The following CSMD1 variants were observed in gnomAD, a reference collection of about 807,000 sequenced individuals.
CSMD1 encodes the protein CUB and Sushi multiple domains 1, also known as CUB and sushi domain-containing protein 1.
In CSMD1, 213 loss-of-function variants were observed where a neutral mutation model predicts 417.5. That is an observed-to-expected ratio of 0.51 (90% CI 0.46 to 0.57). CSMD1 has a LOEUF of 0.57. CSMD1 is among the 20% of genes least tolerant of loss of function. CSMD1 has a pLI of 0.00. For missense variants in CSMD1, 6,923 were observed against 4,529.7 expected, an observed-to-expected ratio of 1.53 and a Z score of -15.17; for synonymous variants, 2,862 against 1,736.8, an observed-to-expected ratio of 1.65 and a Z score of -16.11.
chr8:3,649,203 A>G (rs17066769), intron 7 of CSMD1, among the ~76,000 whole-genome samples: 30,426 of 152,162 alleles, frequency 0.2, 3,659 homozygotes, highest in South Asian at 0.32. Context: ...TACTGATACC[A>G]TAAGTCTTCC....
In CSMD1 at chr8:3,797,261, G is replaced by C. The variant is rs77088335; in HGVS notation, c.819-43219C>G. Reference sequence around the variant, plus strand: ...TTCAAACTCAAGTGGCTATAAAGTAGTTTTTAAAATTGAGGTAAAATATAC... The same window carrying C: ...TTCAAACTCAAGTGGCTATAAAGTACTTTTTAAAATTGAGGTAAAATATAC... On this transcript the variant is annotated intron_variant, in intron 5 of 69. Coordinates refer to ENST00000635120, the MANE Select transcript of CSMD1 (RefSeq NM_033225.6). Among the ~76,000 whole-genome samples the C allele has an allele frequency of 4.4e-3, 672 of 151,980 alleles. 13 individuals carry two copies. Among genetic ancestry groups the C allele is most frequent in the East Asian group, 0.019 (101 of 5,182 alleles).
At chr8:4,300,359 A>G (rs1287180098) in intron 3 of CSMD1, among the ~76,000 whole-genome samples, 1 of 152,216 alleles carries the variant, frequency 6.6e-6, no homozygotes, top group Non-Finnish European at 1.5e-5. Flanking sequence ...AAAATAAAAT[A>G]TATAAACTTT....
chr8:3,162,937 A>G (rs1819987480), intron 37 of CSMD1, among the ~76,000 whole-genome samples: 1 of 152,196 alleles, frequency 6.6e-6, no homozygotes, highest in African/African-American at 2.4e-5. Context: ...AACTCAGCCT[A>G]AGGTATCAGA....
chr8:4,874,196 T>C (rs1802905613), intron 1 of CSMD1, among the ~76,000 whole-genome samples: 1 of 152,240 alleles, frequency 6.6e-6, no homozygotes, highest in Middle Eastern at 3.4e-3. Context: ...AATGAACATG[T>C]GTGATTAATA....
chr8:3,016,026 A>C (rs1367348518), intron 52 of CSMD1, among the ~76,000 whole-genome samples: 1 of 152,160 alleles, frequency 6.6e-6, no homozygotes, highest in Non-Finnish European at 1.5e-5. Flanking sequence ...TTAGCATGAT[A>C]GTATTCTTGG....
In CSMD1 at chr8:4,479,652, T is replaced by C. The variant is rs1800982033; in HGVS notation, c.303-59587A>G. Among the ~76,000 whole-genome samples, 2 of 152,126 alleles carry C rather than the reference T, an allele frequency of 1.3e-5. 1 individual carries two copies. The highest frequency in any genetic ancestry group is 1.3e-4 in the Admixed American group (2 of 15,272). On this transcript the variant is annotated intron_variant, in intron 2 of 69. Transcript: ENST00000635120. ...GGCTCACGCCTGTAATCCCAGCACT[T>C]TGGGAGATCCAGGTGGGTAGACCAC...
intron 54 of CSMD1, among the ~76,000 whole-genome samples, chr8:2,988,905 C>T (rs1806151522): frequency 1.3e-5 from 2 of 152,098 alleles, no homozygotes; most frequent in Non-Finnish European, 2.9e-5. Flanking sequence ...TCTAATTCCG[C>T]CTCACAGTAG....
intron 1 of CSMD1, among the ~76,000 whole-genome samples, chr8:4,757,687 G>A (rs1201641293): frequency 6.6e-6 from 1 of 152,084 alleles, no homozygotes; most frequent in Non-Finnish European, 1.5e-5. Flanking sequence ...TGCTGGGCAT[G>A]GTGGCTTATG....
In CSMD1 at chr8:4,921,584, A is replaced by G. The variant is rs112695358; in HGVS notation, c.85+72748T>C. On this transcript the variant is annotated intron_variant, in intron 1 of 69. Coordinates refer to ENST00000635120, the MANE Select transcript of CSMD1 (RefSeq NM_033225.6). Reference sequence around the variant, plus strand: ...AAATTCAGATGCTTATTAACATACAATGCATATTTTCCAAAATACCTTTTA... The same window carrying G: ...AAATTCAGATGCTTATTAACATACAGTGCATATTTTCCAAAATACCTTTTA... Among the ~76,000 whole-genome samples, 577 of 152,324 alleles carry G rather than the reference A, an allele frequency of 3.8e-3. 4 individuals carry two copies. Among genetic ancestry groups the G allele is most frequent in the African/African-American group, 0.013 (561 of 41,580 alleles).
At chr8:3,513,949 G>C (rs1351231266) in intron 10 of CSMD1, among the ~76,000 whole-genome samples, 1 of 152,222 alleles carries the variant, frequency 6.6e-6, no homozygotes, top group East Asian at 1.9e-4. Flanking sequence ...AGTGAGAGTA[G>C]GTACTTGTAA....
At chr8:4,886,457 G>T (rs1216311030) in intron 1 of CSMD1, among the ~76,000 whole-genome samples, 3 of 151,838 alleles carry the variant, frequency 2.0e-5, no homozygotes, top group Admixed American at 1.3e-4. Flanking sequence ...ATTGGTCTGT[G>T]GATTTCTTTA....
chr8:3,591,928 T>C (rs1800866060), intron 8 of CSMD1, among the ~76,000 whole-genome samples: 1 of 151,982 alleles, frequency 6.6e-6, no homozygotes, highest in Non-Finnish European at 1.5e-5. Flanking sequence ...GACAGATACA[T>C]AGATGGATAG....
chr8:4,377,242 G>C (rs559915064), intron 3 of CSMD1, among the ~76,000 whole-genome samples: 2 of 152,162 alleles, frequency 1.3e-5, no homozygotes, highest in Non-Finnish European at 2.9e-5. Flanking sequence ...ACCGAGATTA[G>C]TAATTAAACA....
chr8:4,094,729 C>A (rs956070612), intron 3 of CSMD1, among the ~76,000 whole-genome samples: 3 of 152,116 alleles, frequency 2.0e-5, no homozygotes, highest in Admixed American at 6.5e-5. Flanking sequence ...TGGGGAGCCT[C>A]CTTCTCCATT....
At chr8:3,305,075 G>C (rs1366606749) in intron 25 of CSMD1, among the ~76,000 whole-genome samples, 5 of 152,090 alleles carry the variant, frequency 3.3e-5, no homozygotes, top group African/African-American at 7.2e-5. Context: ...GACTGCAGTG[G>C]TGTGATCATA....
In CSMD1 at chr8:3,440,854, G is replaced by A. The variant is rs771311809; in HGVS notation, c.1561+27858C>T. On this transcript the variant is annotated intron_variant, in intron 12 of 69. Coordinates refer to ENST00000635120, the MANE Select transcript of CSMD1 (RefSeq NM_033225.6). Reference sequence around the variant, plus strand: ...CCATTTCCTCCTGCCTTGCTGAGACGTTGTCATGAACAGACGTTACAGCAG... The same window carrying A: ...CCATTTCCTCCTGCCTTGCTGAGACATTGTCATGAACAGACGTTACAGCAG... Among the ~76,000 whole-genome samples, 6 of 151,982 alleles carry A rather than the reference G, an allele frequency of 3.9e-5. No individual in the cohort carries two copies. The South Asian group carries it at 6.2e-4, about 16-fold the overall frequency.
chr8:4,275,364 G>T (rs925706743), intron 3 of CSMD1, among the ~76,000 whole-genome samples: 2 of 152,158 alleles, frequency 1.3e-5, no homozygotes, highest in African/African-American at 4.8e-5. Flanking sequence ...TCAGTGCCAA[G>T]ATTAAAGGAA....
chr8:3,741,759 AATTT>A lies in CSMD1; in HGVS notation c.931+12167_931+12170del, dbSNP rs140848863. On this transcript the variant is annotated intron_variant, in intron 6 of 69. Transcript: ENST00000635120. ...AGAAGAAAATACCCAGTGGTGGTTG[AATTT>A]ATTTGTGGGAATATGCCCATTTCTC... Among the ~76,000 whole-genome samples, 1,194 of 152,254 alleles carry A rather than the reference AATTT, an allele frequency of 7.8e-3. 13 individuals are homozygous for A. The highest frequency in any genetic ancestry group is 0.031 in the Middle Eastern group (9 of 292).
chr8:4,248,264 T>C (rs1802831145), intron 3 of CSMD1, among the ~76,000 whole-genome samples: 2 of 152,176 alleles, frequency 1.3e-5, no homozygotes, highest in Non-Finnish European at 2.9e-5. Flanking sequence ...CAAGTCTTAA[T>C]TTCTAGTCCA....
Sources: allele counts gnomAD v4.1 joint callset (sites outside exome capture counted in the v4.1 genomes callset), GRCh38; gene constraint gnomAD v4.1.1; transcripts MANE v1.5; gene names NCBI Gene and HGNC (gene_info 2026-07-23, HGNC 2026-07-21).